Variants in RPS6KC1 observed in about 807,000 individuals in gnomAD.
RPS6KC1 encodes ribosomal protein S6 kinase C1.
RPS6KC1 carries 54 observed loss-of-function variants against 103.8 expected under a neutral mutation model. The observed-to-expected ratio is 0.52, with a 90% confidence interval of 0.42 to 0.65. The LOEUF (loss-of-function observed/expected upper bound fraction) is 0.65. RPS6KC1 is among the 30% of genes least tolerant of loss of function. The probability of loss-of-function intolerance (pLI) is 0.00; values close to 1 mark genes in which losing one functional copy is unlikely to be tolerated. For synonymous variants in RPS6KC1, 439 were observed against 438.7 expected (o/e 1.00, Z -0.01); for missense variants, 1,151 against 1,253.8 (o/e 0.92, Z 1.24).
At chr1:213,307,942 G>C in the RPS6KC1 span, among the ~76,000 whole-genome samples, 1 of 152,160 alleles carries the variant, frequency 6.6e-6, no homozygotes, top group African/African-American at 2.4e-5. Flanking sequence ...CCTGTAGTGG[G>C]CAGCAAGTCA....
chr1:213,118,556 C>G (rs1469093976), intron 5 of RPS6KC1, among the ~76,000 whole-genome samples: 1 of 152,048 alleles, frequency 6.6e-6, no homozygotes, highest in Non-Finnish European at 1.5e-5. Context: ...ACAGCAGCAG[C>G]CACACTAACA....
At chr1:213,108,695 A>G (rs1357954617) in intron 4 of RPS6KC1, among the ~76,000 whole-genome samples, 1 of 146,340 alleles carries the variant, frequency 6.8e-6, no homozygotes, top group Non-Finnish European at 1.5e-5. Flanking sequence ...CACTTTTTTC[A>G]CCGAGGCTGG....
rs1293280717 is a variant in RPS6KC1 at position 213,241,565 on chromosome 1, G to T, written c.2089G>T (p.Gly697Cys). 1.2e-6 allele frequency: 2 copies of T among 1,613,946 alleles called. No homozygotes were observed. Among genetic ancestry groups the T allele is most frequent in the Non-Finnish European group, 1.7e-6 (2 of 1,179,934 alleles). Residue 697 changes from glycine (G) to cysteine (C), a missense_variant, in exon 11 of 15, where the codon GGT (glycine) becomes TGT (cysteine). Gly to Cys is a radical substitution (Grantham distance 159). Transcript: ENST00000366960. The part of the protein sequence containing the change: ...GRPDLLVNLP[G>C]ELESTREAAA... ...ACCTGATCTTCTTGTAAATTTACCTGGTGAATTGGAGTCAACAAGAGAAGC... is the reference window on the plus strand; with the variant it reads ...ACCTGATCTTCTTGTAAATTTACCTTGTGAATTGGAGTCAACAAGAGAAGC...
At chr1:213,197,431 C>T (rs559861715) in intron 8 of RPS6KC1, among the ~76,000 whole-genome samples, 2 of 152,120 alleles carry the variant, frequency 1.3e-5, no homozygotes, top group Admixed American at 6.5e-5. Flanking sequence ...GGATGTGTTT[C>T]CATTTTTTCG....
chr1:213,544,620 T>C, the RPS6KC1 span, among the ~76,000 whole-genome samples: 1 of 152,080 alleles, frequency 6.6e-6, no homozygotes, highest in African/African-American at 2.4e-5. Context: ...CACACCATGT[T>C]TTTCACAACA....
At chr1:213,111,585 A>G (rs1383699118) in intron 4 of RPS6KC1, among the ~76,000 whole-genome samples, 1 of 152,200 alleles carries the variant, frequency 6.6e-6, no homozygotes, top group Non-Finnish European at 1.5e-5. Flanking sequence ...TTTATCTTAC[A>G]AGAAGATCTT....
the RPS6KC1 span, among the ~76,000 whole-genome samples, chr1:213,549,255 A>G: frequency 6.6e-6 from 1 of 152,208 alleles, no homozygotes; most frequent in African/African-American, 2.4e-5. Context: ...CACCAGGGCC[A>G]AGAGAGTCTT....
chr1:213,271,177 A>G (rs1024693174), intron 14 of RPS6KC1, among the ~76,000 whole-genome samples: 3 of 152,214 alleles, frequency 2.0e-5, no homozygotes, highest in African/African-American at 7.2e-5. Context: ...TGGAAAGTCT[A>G]AGTATCTAAA....
chr1:213,681,474 G>T, the RPS6KC1 span, among the ~76,000 whole-genome samples: 2 of 151,072 alleles, frequency 1.3e-5, no homozygotes, highest in Non-Finnish European at 3.0e-5. Context: ...GAGAGAGACA[G>T]GAGGGAGGGA....
the RPS6KC1 span, among the ~76,000 whole-genome samples, chr1:213,467,411 C>T: frequency 1.3e-5 from 2 of 152,136 alleles, no homozygotes; most frequent in African/African-American, 4.8e-5. Context: ...CTCAAATGCA[C>T]ACAAAAATAT....
the RPS6KC1 span, among the ~76,000 whole-genome samples, chr1:213,360,742 G>A: frequency 1.3e-5 from 2 of 152,070 alleles, no homozygotes; most frequent in Non-Finnish European, 2.9e-5. Context: ...TTTTGGTGTC[G>A]ATGTCCTTTC....
At chr1:213,437,456 T>C in the RPS6KC1 span, among the ~76,000 whole-genome samples, 543 of 152,150 alleles carry the variant, frequency 3.6e-3, 3 homozygotes, top group African/African-American at 0.012. Context: ...TAACCGCTTG[T>C]TTTTTTACTC....
chr1:213,259,424 G>A (rs1249649173), intron 12 of RPS6KC1, among the ~76,000 whole-genome samples: 1 of 152,046 alleles, frequency 6.6e-6, no homozygotes, highest in Non-Finnish European at 1.5e-5. Context: ...TTAACTGGGT[G>A]TGGTGGCACG....
the RPS6KC1 span, among the ~76,000 whole-genome samples, chr1:213,701,156 GT>G: frequency 6.6e-6 from 1 of 151,752 alleles, no homozygotes; most frequent in East Asian, 1.9e-4. Flanking sequence ...AAGGCCTTTA[GT>G]TTTTCCTTAT....
At chr1:213,485,864 T>C in the RPS6KC1 span, among the ~76,000 whole-genome samples, 2 of 152,196 alleles carry the variant, frequency 1.3e-5, no homozygotes, top group South Asian at 4.1e-4. Flanking sequence ...AGATAATACA[T>C]GAAGCAGTGC....
At chr1:213,569,191 T>C in the RPS6KC1 span, among the ~76,000 whole-genome samples, 3 of 152,196 alleles carry the variant, frequency 2.0e-5, no homozygotes, top group South Asian at 2.1e-4. Flanking sequence ...CTTTGCTCCT[T>C]GCTGTTGGGT....
At chr1:213,307,915 T>C in the RPS6KC1 span, among the ~76,000 whole-genome samples, 1 of 152,180 alleles carries the variant, frequency 6.6e-6, no homozygotes. Flanking sequence ...CAGTACTTGC[T>C]TGGGACCTTC....
At chr1:213,816,609 C>G in the RPS6KC1 span, among the ~76,000 whole-genome samples, 1 of 152,036 alleles carries the variant, frequency 6.6e-6, no homozygotes, top group Non-Finnish European at 1.5e-5. Flanking sequence ...ACCCAGCAAT[C>G]AGCAATTTCA....
the RPS6KC1 span, among the ~76,000 whole-genome samples, chr1:213,751,868 A>G: frequency 6.6e-6 from 1 of 152,346 alleles, no homozygotes; most frequent in East Asian, 1.9e-4. Context: ...TAAATGCTCA[A>G]TAAGTGGTAG....
Sources: allele counts gnomAD v4.1 joint callset (sites outside exome capture counted in the v4.1 genomes callset), GRCh38; gene constraint gnomAD v4.1.1; transcripts MANE v1.5; gene names NCBI Gene and HGNC (gene_info 2026-07-23, HGNC 2026-07-21).